The following ACER2 variants were observed in gnomAD, a reference collection of about 807,000 sequenced individuals.
ACER2 encodes the protein alkaline ceramidase 2, also known as alkCDase 2.
In ACER2, 26 loss-of-function variants were observed where a neutral mutation model predicts 34.7. The ratio of observed to expected loss-of-function variants is 0.75; its 90% CI spans 0.55 to 1.04. The LOEUF (loss-of-function observed/expected upper bound fraction) is 1.04. Ranked by LOEUF, ACER2 falls within the 50% of genes least tolerant of loss-of-function variation. The pLI is 0.00. For synonymous variants in ACER2, 138 were observed against 132.1 expected (o/e 1.04, Z -0.31); for missense variants, 352 against 340.8 (o/e 1.03, Z -0.26).
chr9:19,442,237 A>C (rs1246891384), intron 4 of ACER2, among the ~76,000 whole-genome samples: 4 of 152,226 alleles, frequency 2.6e-5, no homozygotes, highest in African/African-American at 9.6e-5. Flanking sequence ...AAAAATTGAG[A>C]ATATAATCAA....
chr9:19,409,222 C>T (rs1428333928), intron 1 of ACER2, 30 bp downstream of exon 1: 1 of 1,552,492 alleles, frequency 6.4e-7, no homozygotes. Context: ...GGAAGGCAGG[C>T]GGGCCAGCGG....
chr9:19,440,523 G>C (rs13285153), intron 4 of ACER2, among the ~76,000 whole-genome samples: 20,899 of 152,164 alleles, frequency 0.14, 1,642 homozygotes, highest in South Asian at 0.28. Context: ...TGAGGACACA[G>C]CTCTAGTAGG....
chr9:19,448,724 T>A (rs1831460344), intron 5 of ACER2, among the ~76,000 whole-genome samples: 1 of 152,256 alleles, frequency 6.6e-6, no homozygotes, highest in Non-Finnish European at 1.5e-5. Flanking sequence ...ATATTTTGTT[T>A]TTATTATTAT....
chr9:19,431,607 C>A (rs928290527), intron 3 of ACER2, among the ~76,000 whole-genome samples: 2 of 152,224 alleles, frequency 1.3e-5, no homozygotes, highest in Non-Finnish European at 2.9e-5. Flanking sequence ...CACCCTGAGG[C>A]TGGAGCAGGC....
intron 3 of ACER2, among the ~76,000 whole-genome samples, chr9:19,425,042 A>G (rs533232698): frequency 2.6e-5 from 4 of 152,260 alleles, no homozygotes; most frequent in South Asian, 2.1e-4. Flanking sequence ...TTAATAATGC[A>G]GAGTGCATCA....
At chr9:19,413,207 A>G (rs1008022152) in intron 1 of ACER2, among the ~76,000 whole-genome samples, 2 of 152,350 alleles carry the variant, frequency 1.3e-5, no homozygotes. Flanking sequence ...TTCCATGAAC[A>G]TGTAATTTCC....
At chr9:19,417,581 A>G (rs1167569184) in intron 1 of ACER2, among the ~76,000 whole-genome samples, 11 of 152,232 alleles carry the variant, frequency 7.2e-5, no homozygotes, top group African/African-American at 2.7e-4. Flanking sequence ...CAACCATCTG[A>G]TCTTTGACAA....
chr9:19,449,289 G>C (rs1157380099), intron 5 of ACER2, among the ~76,000 whole-genome samples: 1 of 152,160 alleles, frequency 6.6e-6, no homozygotes, highest in Non-Finnish European at 1.5e-5. Context: ...GCAACACCCA[G>C]ATTCCATAAC....
intron 4 of ACER2, among the ~76,000 whole-genome samples, chr9:19,438,929 G>A (rs903759977): frequency 6.6e-5 from 10 of 152,104 alleles, no homozygotes; most frequent in African/African-American, 2.4e-4. Flanking sequence ...GAGATTACAG[G>A]TGTGAGCCAC....
At chr9:19,424,020 G>C (rs1433365319) in intron 2 of ACER2, 44 bp downstream of exon 2, 1 of 1,417,874 alleles carries the variant, frequency 7.1e-7, no homozygotes, top group Non-Finnish European at 1.0e-6. Context: ...GGGGTGGTGG[G>C]ATGGGGGTAG....
chr9:19,424,087 C>T (rs1830491003), intron 2 of ACER2, 111 bp downstream of exon 2: 1 of 1,041,768 alleles, frequency 9.6e-7, no homozygotes, highest in South Asian at 1.4e-5. Flanking sequence ...AAACTGAAGT[C>T]ACTCTGAGGT....
chr9:19,430,498 C>A (rs192775726), intron 3 of ACER2, among the ~76,000 whole-genome samples: 2 of 152,158 alleles, frequency 1.3e-5, no homozygotes, highest in African/African-American at 4.8e-5. Flanking sequence ...CCTCTGTTGA[C>A]TCTGGGGTCT....
intron 5 of ACER2, among the ~76,000 whole-genome samples, chr9:19,448,053 C>T (rs1831428262): frequency 6.8e-6 from 1 of 146,992 alleles, no homozygotes; most frequent in South Asian, 2.1e-4. Context: ...GTTGCCCAGG[C>T]TGGAGTGCAG....
chr9:19,433,787 A>C (rs1214913334), intron 3 of ACER2, among the ~76,000 whole-genome samples: 13 of 146,990 alleles, frequency 8.8e-5, no homozygotes, highest in Admixed American at 1.4e-4. Context: ...CGGGGGGCTG[A>C]CCCCCCCACC....
chr9:19,415,508 A>ATAAC (rs1830215783), intron 1 of ACER2, among the ~76,000 whole-genome samples: 1 of 151,958 alleles, frequency 6.6e-6, no homozygotes, highest in Non-Finnish European at 1.5e-5. Context: ...AAATAAATAA[A>ATAAC]TAAATAAATA....
intron 1 of ACER2, chr9:19,409,958 G>T (rs904591359): frequency 1.0e-6 from 1 of 984,772 alleles, no homozygotes; most frequent in African/African-American, 1.7e-5. Context: ...TTTAGTTCTT[G>T]TGGTAGGGAA....
rs60590615 is a variant in ACER2, at chr9:19,413,274, A to T, written c.108+4082A>T. On this transcript the variant is annotated intron_variant, in intron 1 of 5. Transcript: ENST00000340967. ...ACTGTTTCTTCTATATACAAATTTTATTAATTGAGTTCCTTTTTATGTTTT... is the reference window on the plus strand; with the variant it reads ...ACTGTTTCTTCTATATACAAATTTTTTTAATTGAGTTCCTTTTTATGTTTT... Among the ~76,000 whole-genome samples the T allele has an allele frequency of 1.0e-2, 1,520 of 152,276 alleles. 27 individuals are homozygous for T. The highest frequency in any genetic ancestry group is 0.034 in the African/African-American group (1,431 of 41,544).
At chr9:19,433,300 G>C (rs1271751523) in intron 3 of ACER2, among the ~76,000 whole-genome samples, 1 of 151,868 alleles carries the variant, frequency 6.6e-6, no homozygotes, top group East Asian at 1.9e-4. Flanking sequence ...AGGACCCTGC[G>C]GCCTTCCGCA....
chr9:19,444,025 G>A (rs1294724199), intron 4 of ACER2, among the ~76,000 whole-genome samples: 2 of 151,978 alleles, frequency 1.3e-5, no homozygotes, highest in African/African-American at 4.8e-5. Context: ...AGTTATGAAG[G>A]AACATGGCAG....
Sources: gnomAD v4.1 joint callset for allele counts (sites outside exome capture counted in the v4.1 genomes callset) on GRCh38, gnomAD v4.1.1 for gene constraint, MANE v1.5 for transcripts, NCBI Gene and HGNC (gene_info 2026-07-23, HGNC 2026-07-21) for gene names.